The following SLC47A1 variants were observed in gnomAD, a reference collection of about 807,000 sequenced individuals.
SLC47A1 encodes multidrug and toxin extrusion protein 1.
In SLC47A1, 58 loss-of-function variants were observed where a neutral mutation model predicts 65.8. The ratio of observed to expected loss-of-function variants is 0.88; its 90% CI spans 0.71 to 1.10. The LOEUF (loss-of-function observed/expected upper bound fraction) is 1.10. Ranked by LOEUF, SLC47A1 falls within the 50% of genes least tolerant of loss-of-function variation. The probability of loss-of-function intolerance (pLI) is 0.00; values close to 1 mark genes in which losing one functional copy is unlikely to be tolerated. For synonymous variants in SLC47A1, 285 were observed against 295.0 expected, an observed-to-expected ratio of 0.97 and a Z score of 0.35; for missense variants, 706 against 719.2, an observed-to-expected ratio of 0.98 and a Z score of 0.21.
In SLC47A1 at chr17:19,578,566, G is replaced by A. The variant is rs778023974; in HGVS notation, c.*1013G>A. On this transcript the variant is annotated 3_prime_UTR_variant, in exon 17 of 17. Coordinates refer to ENST00000270570, the MANE Select transcript of SLC47A1 (RefSeq NM_018242.3). ...ACTTCATTAAGCCTTCCTGGGGTGC[G>A]GTACACACCGTTAATTCAGCAACCC... 7.6e-5 allele frequency: 12 copies of A among 157,062 alleles called. No homozygotes were observed. Among genetic ancestry groups the A allele is most frequent in the Non-Finnish European group, 1.3e-4 (9 of 71,374 alleles). The allele number at this position is 157,062 out of a possible 1,614,324, so 9.7% of individuals were successfully genotyped here.
At chr17:19,574,159 G>A (rs956646878) in intron 16 of SLC47A1, among the ~76,000 whole-genome samples, 1 of 151,992 alleles carries the variant, frequency 6.6e-6, no homozygotes, top group Non-Finnish European at 1.5e-5. Context: ...CTGACCACAA[G>A]TGATCCACCC....
At chr17:19,564,516 T>A (rs2084340990) in intron 12 of SLC47A1, 1 of 152,224 alleles carries the variant, frequency 6.6e-6, no homozygotes, top group South Asian at 2.1e-4. Flanking sequence ...GTGCTAGGAA[T>A]TGTTACCTGG....
chr17:19,541,603 C>T (rs547016144), intron 1 of SLC47A1, among the ~76,000 whole-genome samples: 1 of 152,176 alleles, frequency 6.6e-6, no homozygotes, highest in Non-Finnish European at 1.5e-5. Flanking sequence ...AATGTTTCAC[C>T]CTGAGAGTCC....
intron 14 of SLC47A1, chr17:19,570,774 T>C (rs1230379427): frequency 6.6e-6 from 1 of 152,274 alleles, no homozygotes; most frequent in Non-Finnish European, 1.5e-5. Context: ...GGTCAGGACT[T>C]TGTCTCTTGG....
chr17:19,578,027 G>T lies in SLC47A1; in HGVS notation c.*474G>T. ...GACGGAAGTCTTGCTCTGTCATGCA[G>T]GCTGGAGTGCGGTGGTGCGATCATA... On this transcript the variant is annotated 3_prime_UTR_variant, in exon 17 of 17. Coordinates refer to ENST00000270570, the MANE Select transcript of SLC47A1 (RefSeq NM_018242.3). 2 of 1,211,568 alleles carry T rather than the reference G, an allele frequency of 1.7e-6. No homozygotes were observed. The highest frequency in any genetic ancestry group is 2.2e-6 in the Non-Finnish European group (2 of 919,328). 75.1% of individuals were successfully genotyped at this position (1,211,568 alleles called of 1,614,324 possible).
chr17:19,561,642 CAA>C (rs60772908), intron 12 of SLC47A1, among the ~76,000 whole-genome samples: 6,701 of 58,472 alleles, frequency 0.11, 369 homozygotes, highest in African/African-American at 0.29. Flanking sequence ...GACTCTGTCT[CAA>C]AAAAAAAAAA....
chr17:19,557,922 A>G (rs1916667213), intron 10 of SLC47A1: 1 of 203,370 alleles, frequency 4.9e-6, no homozygotes, highest in Non-Finnish European at 1.0e-5. Flanking sequence ...AAAGATTCAT[A>G]AAAGTGAAAC....
chr17:19,571,013 G>C (rs1397026523), intron 14 of SLC47A1: 1 of 152,048 alleles, frequency 6.6e-6, no homozygotes, highest in Non-Finnish European at 1.5e-5. Flanking sequence ...AAGGTCCAAG[G>C]TCTGGCAGGA....
chr17:19,557,552 A>G (rs1916652622), intron 10 of SLC47A1: 1 of 515,336 alleles, frequency 1.9e-6, no homozygotes, highest in Non-Finnish European at 3.9e-6. Context: ...TAAGATTCAT[A>G]AAAGTGGGCC....
Position 19,577,781 on chromosome 17 carries a change from C to T in SLC47A1, c.*228C>T, listed in dbSNP as rs2084452445. On this transcript the variant is annotated 3_prime_UTR_variant, in exon 17 of 17. Coordinates refer to ENST00000270570, the MANE Select transcript of SLC47A1 (RefSeq NM_018242.3). Reference sequence around the variant, plus strand: ...GAAAGATGACATGAGTAGTAATTCACCACTATCTGAACCAAGCAAGGATCA... The same window carrying T: ...GAAAGATGACATGAGTAGTAATTCATCACTATCTGAACCAAGCAAGGATCA... 2.2e-6 allele frequency: 3 copies of T among 1,368,504 alleles called. No homozygotes were observed. The highest frequency in any genetic ancestry group is 2.8e-6 in the Non-Finnish European group (3 of 1,060,658). 84.8% of individuals were successfully genotyped at this position (1,368,504 alleles called of 1,614,324 possible).
chr17:19,554,863 C>T (rs1303513993), intron 6 of SLC47A1, among the ~76,000 whole-genome samples: 1 of 152,182 alleles, frequency 6.6e-6, no homozygotes, highest in East Asian at 1.9e-4. Context: ...TCATTTTCTC[C>T]TATCGTCCAG....
chr17:19,577,950 A>G lies in SLC47A1; in HGVS notation c.*397A>G. On this transcript the variant is annotated 3_prime_UTR_variant, in exon 17 of 17. Transcript: ENST00000270570. Reference sequence around the variant, plus strand: ...TATATCTTTCCTTGGGCCTTAGATTACTATTCACTGGGCAAATGGTATTTG... The same window carrying G: ...TATATCTTTCCTTGGGCCTTAGATTGCTATTCACTGGGCAAATGGTATTTG... 7.8e-7 allele frequency: 1 copy of G among 1,278,672 alleles called. No individual in the cohort carries two copies. The allele number at this position is 1,278,672 out of a possible 1,614,324, so 79.2% of individuals were successfully genotyped here.
chr17:19,544,413 T>C (rs1364394536), intron 2 of SLC47A1, among the ~76,000 whole-genome samples: 1 of 152,242 alleles, frequency 6.6e-6, no homozygotes, highest in African/African-American at 2.4e-5. Context: ...CAAGGACTTA[T>C]CAAAGTCAGT....
chr17:19,546,560 G>T (rs1249964595), intron 3 of SLC47A1, 57 bp downstream of exon 3: 2 of 1,549,170 alleles, frequency 1.3e-6, no homozygotes, highest in African/African-American at 1.4e-5. Context: ...CTCAAGTGTA[G>T]ATGGAAGAGC....
chr17:19,555,518 T>C, intron 7 of SLC47A1, 75 bp from the exon 8 acceptor site: 1 of 1,460,346 alleles, frequency 6.8e-7, no homozygotes, highest in Non-Finnish European at 9.6e-7. Flanking sequence ...AAGGGATGAG[T>C]CTCCCCTCCT....
chr17:19,564,784 G>A (rs145250361), intron 12 of SLC47A1, among the ~76,000 whole-genome samples: 7 of 152,006 alleles, frequency 4.6e-5, no homozygotes, highest in African/African-American at 1.5e-4. Flanking sequence ...GCAATGGCAC[G>A]ATCTCGGCTC....
intron 5 of SLC47A1, among the ~76,000 whole-genome samples, chr17:19,550,579 G>C (rs1218197693): frequency 1.3e-5 from 2 of 152,184 alleles, no homozygotes; most frequent in African/African-American, 4.8e-5. Flanking sequence ...GCCTCCCGAA[G>C]TGTTGGGTTG....
intron 12 of SLC47A1, among the ~76,000 whole-genome samples, chr17:19,566,456 C>T (rs999440477): frequency 2.6e-5 from 4 of 151,858 alleles, no homozygotes; most frequent in African/African-American, 4.8e-5. Flanking sequence ...AAGACAGTCT[C>T]GCTCTGTCAT....
rs186072923 is a variant in SLC47A1 at position 19,561,379 on chromosome 17, C to T, written c.1106+886C>T. On this transcript the variant is annotated intron_variant, in intron 12 of 16. Coordinates refer to ENST00000270570, the MANE Select transcript of SLC47A1 (RefSeq NM_018242.3). Reference sequence around the variant, plus strand: ...AGAGGCTCGGCCGGGCGCGGTGGCTCACACCTGTAATCCCAGCACTTTGGG... The same window carrying T: ...AGAGGCTCGGCCGGGCGCGGTGGCTTACACCTGTAATCCCAGCACTTTGGG... Among the ~76,000 whole-genome samples, 213 of 152,196 alleles carry T rather than the reference C, an allele frequency of 1.4e-3. 3 individuals carry two copies. Among genetic ancestry groups the T allele is most frequent in the African/African-American group, 5.0e-3 (206 of 41,512 alleles).
Sources: allele counts gnomAD v4.1 joint callset (sites outside exome capture counted in the v4.1 genomes callset), GRCh38; gene constraint gnomAD v4.1.1; transcripts MANE v1.5; gene names NCBI Gene and HGNC (gene_info 2026-07-23, HGNC 2026-07-21).